ADGRV1: variants seen among roughly 807,000 people sequenced by gnomAD.
The protein encoded by ADGRV1 is adhesion G protein-coupled receptor V1.
ADGRV1 carries 359 observed loss-of-function variants against 596.2 expected under a neutral mutation model. The ratio of observed to expected loss-of-function variants is 0.60; its 90% CI spans 0.55 to 0.66. The LOEUF (loss-of-function observed/expected upper bound fraction) is 0.66, where lower values mean the gene tolerates loss of function less well. Among genes scored for constraint, ADGRV1 ranks in the 30% least tolerant of loss-of-function variants. The pLI is 0.00. For synonymous variants in ADGRV1, 2,681 were observed against 2,679.2 expected, an observed-to-expected ratio of 1.00 and a Z score of -0.02; for missense variants, 7,274 against 7,575.6, an observed-to-expected ratio of 0.96 and a Z score of 1.48.
rs1386545055 is a variant in ADGRV1 at position 90,711,079 on chromosome 5, AG to A, written c.8903+21del. The A allele has an allele frequency of 6.3e-7, 1 of 1,592,808 alleles. No individual in the cohort carries two copies. The highest frequency in any genetic ancestry group is 1.7e-5 in the Admixed American group (1 of 58,560). ...AAGCAGGTAAGGCCAAGGCTGCATG[AG>A]AGCCCTCTTCTGGGTTTCATATTAT... On this transcript the variant is annotated intron_variant, in intron 40 of 89. Coordinates refer to ENST00000405460, the MANE Select transcript of ADGRV1 (RefSeq NM_032119.4).
chr5:90,642,039 AAG>A (rs1431549947), intron 11 of ADGRV1, among the ~76,000 whole-genome samples: 1 of 152,210 alleles, frequency 6.6e-6, no homozygotes, highest in Non-Finnish European at 1.5e-5. Flanking sequence ...AAAGACAAAA[AAG>A]CACAGGTTTA....
intron 86 of ADGRV1, among the ~76,000 whole-genome samples, chr5:91,079,331 A>G (rs906238672): frequency 1.3e-5 from 2 of 152,188 alleles, no homozygotes; most frequent in South Asian, 2.1e-4. Flanking sequence ...CATTTTGCCA[A>G]TAGTGGTGGG....
chr5:90,984,186 A>C (rs960939982), intron 84 of ADGRV1, among the ~76,000 whole-genome samples: 1 of 152,172 alleles, frequency 6.6e-6, no homozygotes, highest in African/African-American at 2.4e-5. Flanking sequence ...GTATAACATT[A>C]ATGAGTATGA....
chr5:91,129,242 A>G lies in ADGRV1; in HGVS notation c.18433-20788A>G, dbSNP rs565634921. 2.3e-3 allele frequency among the ~76,000 whole-genome samples: 343 copies of G among 151,882 alleles called. 1 individual carries two copies. The highest frequency in any genetic ancestry group is 3.9e-3 in the Non-Finnish European group (262 of 67,876). On this transcript the variant is annotated intron_variant, in intron 87 of 89. Transcript: ENST00000405460. ...GATGTATGTTGCGAGAACAGCAAAA[A>G]TCATTATTAAACATCTACTTTTAAA...
chr5:91,120,073 C>T (rs146692168), intron 87 of ADGRV1, among the ~76,000 whole-genome samples: 1 of 152,304 alleles, frequency 6.6e-6, no homozygotes, highest in African/African-American at 2.4e-5. Flanking sequence ...AGCACTTACA[C>T]CAGGTGATCA....
At chr5:90,817,551 A>AAC (rs1763024027) in intron 75 of ADGRV1, among the ~76,000 whole-genome samples, 2 of 151,568 alleles carry the variant, frequency 1.3e-5, no homozygotes, top group Non-Finnish European at 2.9e-5. Flanking sequence ...TTTTAGGTCT[A>AAC]ATGTTTAAGT....
chr5:90,743,059 T>C (rs1754164212), intron 50 of ADGRV1, among the ~76,000 whole-genome samples: 1 of 152,178 alleles, frequency 6.6e-6, no homozygotes, highest in African/African-American at 2.4e-5. Context: ...TTTGCTGATA[T>C]ACATTGGAAG....
intron 1 of ADGRV1, among the ~76,000 whole-genome samples, chr5:90,568,058 G>A (rs759894883): frequency 1.1e-4 from 17 of 151,934 alleles, no homozygotes; most frequent in Non-Finnish European, 2.1e-4. Flanking sequence ...TCTTTTCAAA[G>A]AACCAACTTT....
chr5:90,655,752 G>C (rs1769310894), intron 20 of ADGRV1: 1 of 151,552 alleles, frequency 6.6e-6, no homozygotes, highest in African/African-American at 2.4e-5. Context: ...TATCATAAAA[G>C]GTGTATTTAA....
At chr5:90,905,274 T>C (rs1378220195) in intron 83 of ADGRV1, among the ~76,000 whole-genome samples, 1 of 152,106 alleles carries the variant, frequency 6.6e-6, no homozygotes, top group African/African-American at 2.4e-5. Flanking sequence ...CTGTGAAGAA[T>C]GTCATTGGTA....
At chr5:90,739,747 G>A (rs1753719926) in intron 50 of ADGRV1, among the ~76,000 whole-genome samples, 1 of 152,232 alleles carries the variant, frequency 6.6e-6, no homozygotes, top group African/African-American at 2.4e-5. Context: ...TTGGCTGGGA[G>A]GCTGGGTGAG....
In ADGRV1 at chr5:91,075,458, C is replaced by T. The variant is rs145549462; in HGVS notation, c.18310+2854C>T. The stretch of plus-strand genomic sequence containing the variant: ...TACTGATATAGTAGATAAAACAGTA[C>T]CCTGATTATCAGAAAAAGATAGCCC... On this transcript the variant is annotated intron_variant, in intron 86 of 89. Transcript: ENST00000405460. 2.4e-3 allele frequency among the ~76,000 whole-genome samples: 364 copies of T among 152,184 alleles called. 4 individuals carry two copies. Among genetic ancestry groups the T allele is most frequent in the Admixed American group, 0.014 (214 of 15,276 alleles).
chr5:90,583,071 G>A (rs377242762), intron 1 of ADGRV1, among the ~76,000 whole-genome samples: 19 of 152,142 alleles, frequency 1.2e-4, no homozygotes, highest in African/African-American at 4.3e-4. Flanking sequence ...GAGTATTATT[G>A]TAAAGCAATT....
intron 17 of ADGRV1, among the ~76,000 whole-genome samples, chr5:90,649,397 G>A (rs914647929): frequency 6.6e-6 from 1 of 151,988 alleles, no homozygotes; most frequent in African/African-American, 2.4e-5. Context: ...TATCACTGTG[G>A]TTAAGCTGTC....
intron 20 of ADGRV1, among the ~76,000 whole-genome samples, chr5:90,657,080 T>C (rs900405308): frequency 6.6e-6 from 1 of 151,918 alleles, no homozygotes; most frequent in African/African-American, 2.4e-5. Flanking sequence ...ATATCAAGCC[T>C]TGAAGTTCTT....
intron 85 of ADGRV1, among the ~76,000 whole-genome samples, chr5:90,994,180 C>T (rs59805249): frequency 0.15 from 23,107 of 151,546 alleles, 2,490 homozygotes; most frequent in African/African-American, 0.28. Context: ...CTCCTGCCTC[C>T]GCCTCCCAAG....
intron 78 of ADGRV1, among the ~76,000 whole-genome samples, chr5:90,846,116 C>T (rs1765853836): frequency 6.6e-6 from 1 of 152,164 alleles, no homozygotes; most frequent in South Asian, 2.1e-4. Context: ...TCACGATGAG[C>T]TTGAAACAGA....
At chr5:91,086,568 T>G (rs1028246083) in intron 86 of ADGRV1, among the ~76,000 whole-genome samples, 6 of 152,222 alleles carry the variant, frequency 3.9e-5, no homozygotes, top group African/African-American at 1.4e-4. Flanking sequence ...AGTCTCACTA[T>G]AGACTTACTA....
chr5:90,892,562 G>A (rs1232669558), intron 83 of ADGRV1, among the ~76,000 whole-genome samples: 3 of 152,000 alleles, frequency 2.0e-5, no homozygotes, highest in African/African-American at 7.2e-5. Context: ...GATAAGTTTT[G>A]ACATATATGT....
Sources: allele counts gnomAD v4.1 joint callset (sites outside exome capture counted in the v4.1 genomes callset), GRCh38; gene constraint gnomAD v4.1.1; transcripts MANE v1.5; gene names NCBI Gene and HGNC (gene_info 2026-07-23, HGNC 2026-07-21).